EFCAB12: variants seen among roughly 807,000 people sequenced by gnomAD.
EFCAB12 encodes EF-hand calcium binding domain 12, also known as EF-hand calcium-binding domain-containing protein 12.
A neutral mutation model predicts 53.6 loss-of-function variants in EFCAB12; 43 were observed. The ratio of observed to expected loss-of-function variants is 0.80; its 90% CI spans 0.63 to 1.03. The LOEUF (loss-of-function observed/expected upper bound fraction) is 1.03. Ranked by LOEUF, EFCAB12 falls within the 50% of genes least tolerant of loss-of-function variation. EFCAB12 has a pLI of 0.00. For synonymous variants in EFCAB12, 269 were observed against 289.2 expected, an observed-to-expected ratio of 0.93 and a Z score of 0.71; for missense variants, 646 against 730.6, an observed-to-expected ratio of 0.88 and a Z score of 1.34.
At position 129,408,680 on chromosome 3, in the gene EFCAB12, T is replaced by A. The variant is rs1230570262; in HGVS notation, c.1214A>T (p.Tyr405Phe). 1 of 1,585,426 alleles carries A rather than the reference T, an allele frequency of 6.3e-7. No individual in the cohort carries two copies. The highest frequency in any genetic ancestry group is 8.6e-7 in the Non-Finnish European group (1 of 1,164,754). Residue 405 changes from tyrosine to phenylalanine, a missense_variant, in exon 6 of 9, where the codon TAT becomes TTT. Coordinates refer to ENST00000505956, the MANE Select transcript of EFCAB12 (RefSeq NM_207307.3). ...YLQCWKLCKS[Y>F]GLPLTEDILM... ...GATGTCCTCTGTCAGCGGGAGGCCA[T>A]AGGACTTACAGAGCTTCCAGCATTG...
chr3:129,417,328 A>C (rs2072128111), intron 3 of EFCAB12, among the ~76,000 whole-genome samples: 3 of 135,650 alleles, frequency 2.2e-5, no homozygotes, highest in Non-Finnish European at 4.5e-5. Flanking sequence ...TGCCTCAAAA[A>C]AAAAAAAAAA....
In EFCAB12 at chr3:129,408,815, A is replaced by AC; in HGVS notation, c.1078dup (p.Val360GlyfsTer9). On this transcript the variant is annotated frameshift_variant, in exon 6 of 9. Coordinates refer to ENST00000505956, the MANE Select transcript of EFCAB12 (RefSeq NM_207307.3). LOFTEE classifies it high-confidence loss of function. ...ATCAAAGTGCCGATTCCCACAGCGC[A>AC]CCAGGTGACATTGCTCCGTGTACTG... 1 of 1,576,808 alleles carries AC rather than the reference A, an allele frequency of 6.3e-7. No individual in the cohort carries two copies. Among genetic ancestry groups the AC allele is most frequent in the South Asian group, 1.2e-5 (1 of 85,680 alleles).
In EFCAB12 at chr3:129,401,537, C is replaced by T; in HGVS notation, c.*56G>A. The T allele has an allele frequency of 1.4e-6, 2 of 1,464,208 alleles. No homozygotes were observed. The highest frequency in any genetic ancestry group is 1.8e-6 in the Non-Finnish European group (2 of 1,102,392). The allele number at this position is 1,464,208 out of a possible 1,614,324, so 90.7% of individuals were successfully genotyped here. A position where few individuals can be genotyped will look rare whatever the true frequency, so the allele number is the denominator to read the frequency against. Reference sequence around the variant, plus strand: ...CCTCTTGTGTCTGGGCTCTGGGCCGCTGGCTGCACTGGCCCCTGGCCCAGG... The same window carrying T: ...CCTCTTGTGTCTGGGCTCTGGGCCGTTGGCTGCACTGGCCCCTGGCCCAGG... On this transcript the variant is annotated 3_prime_UTR_variant, in exon 9 of 9. Transcript: ENST00000505956.
chr3:129,414,563 T>A (rs2072088803), intron 4 of EFCAB12: 1 of 152,222 alleles, frequency 6.6e-6, no homozygotes, highest in Non-Finnish European at 1.5e-5. Flanking sequence ...AATGGTTCTT[T>A]TTTGTTTGTT....
Position 129,401,341 on chromosome 3 carries a change from C to G in EFCAB12, c.*252G>C. The G allele has an allele frequency of 2.4e-6, 1 of 416,640 alleles. No homozygotes were observed. The highest frequency in any genetic ancestry group is 3.8e-5 in the East Asian group (1 of 26,422). 25.8% of individuals were successfully genotyped at this position (416,640 alleles called of 1,614,324 possible). On this transcript the variant is annotated 3_prime_UTR_variant, in exon 9 of 9. Transcript: ENST00000505956. ...ACAGGTGAAATGAGAAAAACTCCAACCTGCTTTATGTAGAAAGGGCAGAGG... is the reference window on the plus strand; with the variant it reads ...ACAGGTGAAATGAGAAAAACTCCAAGCTGCTTTATGTAGAAAGGGCAGAGG...
At chr3:129,423,723 T>A (rs567257078) in intron 1 of EFCAB12, among the ~76,000 whole-genome samples, 1 of 152,202 alleles carries the variant, frequency 6.6e-6, no homozygotes, top group South Asian at 2.1e-4. Flanking sequence ...GCTTAAAACC[T>A]GTCCATGGCT....
rs370961897 is a variant in EFCAB12, at chr3:129,428,450, C to A, written c.39G>T (p.Leu13Phe). Reference sequence around the variant, plus strand: ...CTTCCCGGGGCTTACCGAGCAGCGACAAGAACAGACTGTGGTACGCTTCAT... The same window carrying A: ...CTTCCCGGGGCTTACCGAGCAGCGAAAAGAACAGACTGTGGTACGCTTCAT... ...DDYEAYHSLFLSLLGLCPSKT... is the reference protein window; with the variant it reads ...DDYEAYHSLFFSLLGLCPSKT... Residue 13 changes from leucine (L) to phenylalanine (F), a missense_variant, in exon 1 of 9, where the codon TTG (leucine) becomes TTT (phenylalanine). By Grantham distance (22) the Leu-to-Phe change is conservative (BLOSUM62 0). Transcript: ENST00000505956. 1 of 1,610,338 alleles carries A rather than the reference C, an allele frequency of 6.2e-7. No homozygotes were observed. Among genetic ancestry groups the A allele is most frequent in the Non-Finnish European group, 8.5e-7 (1 of 1,178,234 alleles).
chr3:129,421,781 G>A lies in EFCAB12; in HGVS notation c.72C>T (p.Pro24=), dbSNP rs2072192927. The A allele has an allele frequency of 6.2e-7, 1 of 1,612,976 alleles. No homozygotes were observed. The highest frequency in any genetic ancestry group is 8.5e-7 in the Non-Finnish European group (1 of 1,179,316). ...CAAAGACGGGAGCATTTTCATTGATGGGAGTCTTAGACGGGCAGAGTCCTT... is the reference window on the plus strand; with the variant it reads ...CAAAGACGGGAGCATTTTCATTGATAGGAGTCTTAGACGGGCAGAGTCCTT... The part of the protein sequence containing the change: ...SLLGLCPSKT[P]INENAPVFDP... Residue 24 remains proline, a synonymous_variant, in exon 2 of 9, where the codon CCC becomes CCT. Coordinates refer to ENST00000505956, the MANE Select transcript of EFCAB12 (RefSeq NM_207307.3).
intron 3 of EFCAB12, among the ~76,000 whole-genome samples, chr3:129,417,335 A>G (rs544098981): frequency 7.2e-5 from 10 of 139,754 alleles, no homozygotes; most frequent in African/African-American, 3.0e-4. Flanking sequence ...AAAAAAAAAA[A>G]AAAACCAAAA....
chr3:129,421,948 G>A (rs2072195017), intron 1 of EFCAB12, 145 bp from the exon 2 acceptor site: 2 of 870,080 alleles, frequency 2.3e-6, no homozygotes, highest in East Asian at 2.7e-5. Flanking sequence ...GTAATCGTAA[G>A]GATAATTTCA....
chr3:129,425,886 C>T (rs1460833847), intron 1 of EFCAB12, among the ~76,000 whole-genome samples: 1 of 152,224 alleles, frequency 6.6e-6, no homozygotes, highest in African/African-American at 2.4e-5. Flanking sequence ...TTCTACTTAA[C>T]ATGGTGGACA....
At chr3:129,403,033 G>A (rs73865435) in intron 7 of EFCAB12, 4,649 of 163,064 alleles carry the variant, frequency 0.029, 226 homozygotes, top group African/African-American at 0.1. Flanking sequence ...ATCACTAATC[G>A]TTCACGGCAC....
At chr3:129,410,130 C>T (rs2107737400) in intron 5 of EFCAB12, among the ~76,000 whole-genome samples, 1 of 152,118 alleles carries the variant, frequency 6.6e-6, no homozygotes, top group African/African-American at 2.4e-5. Flanking sequence ...GCCTCAGCCT[C>T]TTCAGTAGGT....
Position 129,428,475 on chromosome 3 carries a change from T to G in EFCAB12, c.14A>C (p.Tyr5Ser). The change falls in exon 1 of 9, where the codon TAT becomes TCT. Residue 5 changes from tyrosine (Y) to serine (S), a missense_variant. Transcript: ENST00000505956. ...CAAGAACAGACTGTGGTACGCTTCA[T>G]AGTCGTCGTCCATGGTCGTGGTGCT... Reference protein sequence around the residue: MDDDYEAYHSLFLSL... With the variant: MDDDSEAYHSLFLSL... 1 of 1,611,592 alleles carries G rather than the reference T, an allele frequency of 6.2e-7. No individual in the cohort carries two copies. Among genetic ancestry groups the G allele is most frequent in the Non-Finnish European group, 8.5e-7 (1 of 1,178,860 alleles).
rs1352821947 is a variant in EFCAB12 at position 129,426,357 on chromosome 3, TTG to T, written c.49+2081_49+2082del. The stretch of plus-strand genomic sequence containing the variant: ...CTTGGATGGCTTACAGGGTTTTTTT[TTG>T]TTTTTTTTTTTTTTTTTTTTTTTGA... On this transcript the variant is annotated intron_variant, in intron 1 of 8. Transcript: ENST00000505956. Among the ~76,000 whole-genome samples the T allele has an allele frequency of 5.7e-4, 78 of 137,470 alleles. 6 individuals carry two copies. Among genetic ancestry groups the T allele is most frequent in the Middle Eastern group, 3.6e-3 (1 of 280 alleles). The allele number at this position is 137,470 out of a possible 152,430, so 90.2% of individuals were successfully genotyped here.
rs1368903733 is a variant in EFCAB12 at position 129,401,735 on chromosome 3, C to T, written c.1577G>A (p.Ser526Asn). The change falls in exon 9 of 9, where the codon AGC becomes AAC. Residue 526 changes from serine (S) to asparagine (N), a missense_variant. Physicochemically the swap from Ser to Asn is conservative, Grantham distance 46 (BLOSUM62 1). Coordinates refer to ENST00000505956, the MANE Select transcript of EFCAB12 (RefSeq NM_207307.3). The part of the protein sequence containing the change: ...LYLPTVATDR[S>N]LALFSCVQHQ... Reference sequence around the variant, plus strand: ...TTGAACACAACTGAAGAGCGCCAGGCTCCGGTCTGTGGCCACAGTGGGCAG... The same window carrying T: ...TTGAACACAACTGAAGAGCGCCAGGTTCCGGTCTGTGGCCACAGTGGGCAG... The T allele has an allele frequency of 6.2e-7, 1 of 1,602,594 alleles. No individual in the cohort carries two copies.
chr3:129,415,438 C>T, intron 3 of EFCAB12, 37 bp from the exon 4 acceptor site: 1 of 1,610,178 alleles, frequency 6.2e-7, no homozygotes, highest in East Asian at 2.2e-5. Flanking sequence ...AGCAGGCTCC[C>T]ATCCAAACAT....
chr3:129,411,082 T>C, intron 5 of EFCAB12, 76 bp downstream of exon 5: 1 of 1,472,784 alleles, frequency 6.8e-7, no homozygotes, highest in African/African-American at 1.4e-5. Flanking sequence ...AGCCAGCGGG[T>C]GGTGCTGCTG....
chr3:129,404,307 G>A lies in EFCAB12; in HGVS notation c.1346C>T (p.Ser449Phe), dbSNP rs1381117077. The A allele has an allele frequency of 1.9e-6, 3 of 1,613,922 alleles. No homozygotes were observed. Among genetic ancestry groups the A allele is most frequent in the Non-Finnish European group, 8.5e-7 (1 of 1,179,872 alleles). Residue 449 changes from serine to phenylalanine, a missense_variant, in exon 7 of 9, where the codon TCT becomes TTT. Ser to Phe is a radical substitution (Grantham distance 155, BLOSUM62 -2). Coordinates refer to ENST00000505956, the MANE Select transcript of EFCAB12 (RefSeq NM_207307.3). The stretch of plus-strand genomic sequence containing the variant: ...GGACCGGAGCAGAGCCAGATTCGGA[G>A]AAAAGACCTTCCAGTCAGAGTAGTA... ...GGYYSDWKVF[S>F]PNLALLRSQG...
Sources: gnomAD v4.1 joint callset for allele counts (sites outside exome capture counted in the v4.1 genomes callset) on GRCh38, gnomAD v4.1.1 for gene constraint, MANE v1.5 for transcripts, NCBI Gene and HGNC (gene_info 2026-07-23, HGNC 2026-07-21) for gene names.